Variants in TIAM1 observed in about 807,000 individuals in gnomAD.
TIAM1 encodes rho guanine nucleotide exchange factor TIAM1.
A neutral mutation model predicts 163.5 loss-of-function variants in TIAM1; 65 were observed. That is an observed-to-expected ratio of 0.40 (90% CI 0.33 to 0.49). The LOEUF is 0.49. Ranked by LOEUF, TIAM1 falls within the 20% of genes least tolerant of loss-of-function variation. TIAM1 has a pLI of 0.77. For missense variants in TIAM1, 1,789 were observed against 2,044.7 expected, an observed-to-expected ratio of 0.87 and a Z score of 2.41; for synonymous variants, 833 against 810.1, an observed-to-expected ratio of 1.03 and a Z score of -0.48.
chr21:31,401,240 C>A (rs965147148), intron 2 of TIAM1, among the ~76,000 whole-genome samples: 1 of 152,114 alleles, frequency 6.6e-6, no homozygotes, highest in Non-Finnish European at 1.5e-5. Context: ...ACTAAATATT[C>A]ATTGGTGATG....
intron 11 of TIAM1, among the ~76,000 whole-genome samples, chr21:31,206,936 T>TATACACACACACACAC (rs1555889511): frequency 6.6e-6 from 1 of 151,250 alleles, no homozygotes; most frequent in African/African-American, 2.4e-5. Flanking sequence ...GAAATATGTA[T>TATACACACACACACAC]ACACACACAC....
chr21:31,510,677 G>A (rs976727495), intron 1 of TIAM1, among the ~76,000 whole-genome samples: 3 of 152,078 alleles, frequency 2.0e-5, no homozygotes, highest in Admixed American at 1.3e-4. Flanking sequence ...AGCCGGGCGT[G>A]GTGACAAGCA....
At position 31,119,183 on chromosome 21, in the gene TIAM1, T is replaced by C. The variant is rs1220199127; in HGVS notation, c.*1185A>G. The C allele has an allele frequency of 1.3e-5, 2 of 152,774 alleles. No homozygotes were observed. The highest frequency in any genetic ancestry group is 4.8e-5 in the African/African-American group (2 of 41,420). The allele number at this position is 152,774 out of a possible 1,614,324, so 9.5% of individuals were successfully genotyped here. ...TTTGGATATCTGTTTAGACTGTTAA[T>C]GTTTTGAGCATGTTTACCCTGTTTC... On this transcript the variant is annotated 3_prime_UTR_variant, in exon 28 of 28. Transcript: ENST00000541036.
At chr21:31,558,887 C>G (rs1402044210) in intron 1 of TIAM1, 1 of 152,062 alleles carries the variant, frequency 6.6e-6, no homozygotes, top group Non-Finnish European at 1.5e-5. Context: ...CGGGGCGGCT[C>G]CGGCCGGACG....
chr21:31,537,171 C>T (rs2048163646), intron 1 of TIAM1, among the ~76,000 whole-genome samples: 1 of 152,144 alleles, frequency 6.6e-6, no homozygotes, highest in African/African-American at 2.4e-5. Flanking sequence ...CAGTAGGACC[C>T]CTTCTTATCT....
chr21:31,485,723 A>G (rs984465025), intron 1 of TIAM1, among the ~76,000 whole-genome samples: 2 of 152,142 alleles, frequency 1.3e-5, no homozygotes, highest in Non-Finnish European at 2.9e-5. Context: ...GGTGCCAACA[A>G]TTCCAACACC....
intron 1 of TIAM1, among the ~76,000 whole-genome samples, chr21:31,479,939 T>A (rs922724170): frequency 2.6e-5 from 4 of 152,166 alleles, no homozygotes; most frequent in Non-Finnish European, 4.4e-5. Flanking sequence ...CATGCAGTAA[T>A]TACCCCTCTC....
intron 2 of TIAM1, among the ~76,000 whole-genome samples, chr21:31,288,876 C>T (rs1023352087): frequency 6.6e-6 from 1 of 152,166 alleles, no homozygotes; most frequent in Non-Finnish European, 1.5e-5. Context: ...TAGGATGCCT[C>T]AGCCTTGGCA....
At chr21:31,418,108 C>A (rs1165244527) in intron 2 of TIAM1, among the ~76,000 whole-genome samples, 1 of 152,002 alleles carries the variant, frequency 6.6e-6, no homozygotes, top group Non-Finnish European at 1.5e-5. Flanking sequence ...GTAATCCCAG[C>A]ACTTTGGCAG....
At chr21:31,200,753 TATC>T (rs964736122) in intron 12 of TIAM1, among the ~76,000 whole-genome samples, 12 of 152,140 alleles carry the variant, frequency 7.9e-5, no homozygotes, top group African/African-American at 2.7e-4. Flanking sequence ...CGATTGAAAA[TATC>T]ATTCTGAGAA....
chr21:31,177,893 G>A (rs1378792716), intron 15 of TIAM1, among the ~76,000 whole-genome samples: 1 of 152,146 alleles, frequency 6.6e-6, no homozygotes, highest in Non-Finnish European at 1.5e-5. Flanking sequence ...TGGACCCCAA[G>A]GTCCCTGAGA....
chr21:31,525,107 C>T lies in TIAM1; in HGVS notation c.-422+33820G>A, dbSNP rs1040570638. Among the ~76,000 whole-genome samples, 7 of 151,888 alleles carry T rather than the reference C, an allele frequency of 4.6e-5. No individual in the cohort carries two copies. In the South Asian group the frequency reaches 8.3e-4, roughly 18 times the overall value. The stretch of plus-strand genomic sequence containing the variant: ...TAATAATCAGATCTGAGGCTGGGCG[C>T]GGTGGCTCATACCTGTAATCTCAGC... On this transcript the variant is annotated intron_variant, in intron 1 of 28. Coordinates refer to the TIAM1 transcript ENST00000286827.
intron 2 of TIAM1, among the ~76,000 whole-genome samples, chr21:31,455,534 T>C (rs2045063882): frequency 6.6e-6 from 1 of 151,866 alleles, no homozygotes; most frequent in African/African-American, 2.4e-5. Flanking sequence ...TACCTCAGCC[T>C]CCTGAGTAGC....
chr21:31,392,171 G>T (rs2076976010), intron 2 of TIAM1, among the ~76,000 whole-genome samples: 1 of 152,138 alleles, frequency 6.6e-6, no homozygotes, highest in Admixed American at 6.5e-5. Context: ...TGGGTTTACT[G>T]AGTCATATTC....
chr21:31,520,105 C>T lies in TIAM1; in HGVS notation c.-422+38822G>A, dbSNP rs553851345. ...CAGCACTCTGGGAGGCTGAGGCACGCGGAGCACCTGAGGTCGGGAGTTCGA... is the reference window on the plus strand; with the variant it reads ...CAGCACTCTGGGAGGCTGAGGCACGTGGAGCACCTGAGGTCGGGAGTTCGA... On this transcript the variant is annotated intron_variant, in intron 1 of 28. Coordinates refer to the TIAM1 transcript ENST00000286827. 1.3e-4 allele frequency among the ~76,000 whole-genome samples: 20 copies of T among 152,174 alleles called. 1 individual carries two copies. Among genetic ancestry groups the T allele is most frequent in the South Asian group, 1.0e-3 (5 of 4,812 alleles).
chr21:31,274,818 T>G (rs568343690), intron 3 of TIAM1, among the ~76,000 whole-genome samples: 2 of 152,268 alleles, frequency 1.3e-5, no homozygotes, highest in African/African-American at 4.8e-5. Context: ...TCCAAGAATA[T>G]TAAGATGTGG....
Position 31,454,937 on chromosome 21 carries a change from G to A in TIAM1, c.-369+9046C>T, listed in dbSNP as rs550041979. Among the ~76,000 whole-genome samples, 3 of 152,154 alleles carry A rather than the reference G, an allele frequency of 2.0e-5. No homozygotes were observed. The East Asian group carries it at 5.8e-4, about 30-fold the overall frequency. Reference sequence around the variant, plus strand: ...CCTGGTGTCCACTAAAAGAAACCACGACTCCTTAGAGAAATGGCTGGTTCC... The same window carrying A: ...CCTGGTGTCCACTAAAAGAAACCACAACTCCTTAGAGAAATGGCTGGTTCC... On this transcript the variant is annotated intron_variant, in intron 2 of 28. Coordinates refer to the TIAM1 transcript ENST00000286827.
intron 2 of TIAM1, among the ~76,000 whole-genome samples, chr21:31,303,384 G>A (rs1217783902): frequency 6.6e-6 from 1 of 152,088 alleles, no homozygotes; most frequent in Non-Finnish European, 1.5e-5. Context: ...CACAGATCTG[G>A]CAGATTCATT....
Position 31,497,536 on chromosome 21 carries a change from T to C in TIAM1, c.-421-33501A>G, listed in dbSNP as rs548758562. 9.2e-5 allele frequency among the ~76,000 whole-genome samples: 14 copies of C among 152,346 alleles called. No homozygotes were observed. In the East Asian group the frequency reaches 2.7e-3, roughly 29 times the overall value. ...ATAAGAAACTGGTACCATTACTACC[T>C]CTTTGTAGAAGGGAACAGGGTAGTT... On this transcript the variant is annotated intron_variant, in intron 1 of 28. Coordinates refer to the TIAM1 transcript ENST00000286827.
Sources: allele counts gnomAD v4.1 joint callset (sites outside exome capture counted in the v4.1 genomes callset), GRCh38; gene constraint gnomAD v4.1.1; transcripts MANE v1.5; gene names NCBI Gene and HGNC (gene_info 2026-07-23, HGNC 2026-07-21).